KCNG3: variants seen among roughly 807,000 people sequenced by gnomAD.
KCNG3 encodes potassium voltage-gated channel modifier subfamily G member 3, also known as voltage-gated potassium channel regulatory subunit KCNG3.
A neutral mutation model predicts 29.0 loss-of-function variants in KCNG3; 15 were observed. That is an observed-to-expected ratio of 0.52 (90% CI 0.35 to 0.80). The LOEUF (loss-of-function observed/expected upper bound fraction) is 0.80, where lower values mean the gene tolerates loss of function less well. KCNG3 is among the 30% of genes least tolerant of loss of function. The pLI is 0.01. For missense variants in KCNG3, 512 were observed against 605.7 expected, an observed-to-expected ratio of 0.85 and a Z score of 1.62; for synonymous variants, 322 against 248.9, an observed-to-expected ratio of 1.29 and a Z score of -2.76.
chr2:42,474,432 G>A (rs1338846998), intron 1 of KCNG3, among the ~76,000 whole-genome samples: 2 of 152,018 alleles, frequency 1.3e-5, no homozygotes, highest in South Asian at 4.2e-4. Context: ...GGAGGCTGAG[G>A]CACGAGAATC....
chr2:42,423,687 G>A, the KCNG3 span, among the ~76,000 whole-genome samples: 1 of 151,716 alleles, frequency 6.6e-6, no homozygotes, highest in African/African-American at 2.4e-5. Context: ...TACCCTACCT[G>A]TAAACGTCTT....
intron 1 of KCNG3, among the ~76,000 whole-genome samples, chr2:42,484,764 A>C (rs1035058221): frequency 2.0e-4 from 31 of 152,370 alleles, no homozygotes; most frequent in African/African-American, 6.3e-4. Flanking sequence ...GGGAAAAAAG[A>C]AGCACTCTGG....
chr2:42,448,348 T>TTTA (rs934855806), intron 1 of KCNG3, among the ~76,000 whole-genome samples: 1 of 22,254 alleles, frequency 4.5e-5, no homozygotes, highest in Non-Finnish European at 8.4e-5. Context: ...TTCCCACTTA[T>TTTA]TTATTTATTT....
Position 42,492,862 on chromosome 2 carries a change from C to T in KCNG3, c.640G>A (p.Ala214Thr). The change falls in exon 1 of 2, where the codon GCC (alanine) becomes ACC (threonine). Residue 214 changes from alanine to threonine, a missense_variant. Around this residue, in one of 5 missense-constraint regions of KCNG3, gnomAD observed 228 missense variants for 200.0 expected, o/e 1.14. Coordinates refer to ENST00000306078, the MANE Select transcript of KCNG3 (RefSeq NM_133329.6). ...CCGGAGGGCTCCCTCCCAGGGCCGGCGGAGTACCTGCTCCGGTCATCCAGG... is the reference window on the plus strand; with the variant it reads ...CCGGAGGGCTCCCTCCCAGGGCCGGTGGAGTACCTGCTCCGGTCATCCAGG... ...RSLDDRSRYS[A>T]GPGREPSGII... 1.3e-6 allele frequency: 2 copies of T among 1,511,912 alleles called. No individual in the cohort carries two copies. Among genetic ancestry groups the T allele is most frequent in the African/African-American group, 1.4e-5 (1 of 69,180 alleles). The allele number at this position is 1,511,912 out of a possible 1,614,324, so 93.7% of individuals were successfully genotyped here.
intron 1 of KCNG3, among the ~76,000 whole-genome samples, chr2:42,476,424 C>G (rs1443774387): frequency 6.6e-6 from 1 of 151,944 alleles, no homozygotes; most frequent in Non-Finnish European, 1.5e-5. Flanking sequence ...CTGCAGTGGG[C>G]TGAGATCATG....
chr2:42,430,172 G>C, the KCNG3 span, among the ~76,000 whole-genome samples: 1 of 151,882 alleles, frequency 6.6e-6, no homozygotes, highest in Non-Finnish European at 1.5e-5. Context: ...TTCAAGACCA[G>C]CCTGGGCAAC....
At chr2:42,417,025 G>A in the KCNG3 span, among the ~76,000 whole-genome samples, 1 of 152,000 alleles carries the variant, frequency 6.6e-6, no homozygotes, top group Non-Finnish European at 1.5e-5. Flanking sequence ...GAGGTGGGTG[G>A]ATCACTTGTG....
chr2:42,483,721 A>T (rs938152702), intron 1 of KCNG3, among the ~76,000 whole-genome samples: 1 of 152,234 alleles, frequency 6.6e-6, no homozygotes, highest in African/African-American at 2.4e-5. Context: ...TGGCACATCC[A>T]TGCAGTGGAA....
At chr2:42,492,724 G>C in intron 1 of KCNG3, 113 bp downstream of exon 1, 4 of 1,052,224 alleles carry the variant, frequency 3.8e-6, no homozygotes, top group Non-Finnish European at 5.0e-6. Context: ...CGCTGGGCGC[G>C]CACCCCGCTG....
the KCNG3 span, among the ~76,000 whole-genome samples, chr2:42,396,537 T>C: frequency 6.6e-6 from 1 of 152,170 alleles, no homozygotes. Flanking sequence ...AGAAGAAAAG[T>C]AGGCAAGAAG....
At chr2:42,435,806 G>A in the KCNG3 span, among the ~76,000 whole-genome samples, 1 of 152,288 alleles carries the variant, frequency 6.6e-6, no homozygotes, top group African/African-American at 2.4e-5. Context: ...GAATCAAATT[G>A]CTCAGCTGCT....
At chr2:42,442,012 T>C (rs2103656684), downstream of KCNG3, 1 of 152,048 alleles carries the variant, frequency 6.6e-6, no homozygotes, top group South Asian at 2.1e-4. Context: ...CCAGTACCAG[T>C]AAAATTGATG....
chr2:42,420,643 G>A, the KCNG3 span, among the ~76,000 whole-genome samples: 1 of 152,068 alleles, frequency 6.6e-6, no homozygotes, highest in Non-Finnish European at 1.5e-5. Context: ...TACATAATTA[G>A]CCGGACGTGG....
the KCNG3 span, among the ~76,000 whole-genome samples, chr2:42,402,554 G>A: frequency 2.3e-3 from 355 of 152,230 alleles, 1 homozygote; most frequent in South Asian, 0.014. Context: ...GTTTTTTCAC[G>A]CACAGATGTT....
At chr2:42,435,384 C>T in the KCNG3 span, among the ~76,000 whole-genome samples, 3 of 151,902 alleles carry the variant, frequency 2.0e-5, no homozygotes, top group Non-Finnish European at 4.4e-5. Context: ...GATATGACAC[C>T]AGAAGCAAAA....
At chr2:42,399,051 CTTT>C in the KCNG3 span, among the ~76,000 whole-genome samples, 1 of 129,512 alleles carries the variant, frequency 7.7e-6, no homozygotes, top group African/African-American at 3.0e-5. Flanking sequence ...CTTTTTTTTT[CTTT>C]TCTTTTTTTT....
intron 1 of KCNG3, among the ~76,000 whole-genome samples, chr2:42,459,939 G>A (rs1672973533): frequency 6.7e-6 from 1 of 149,618 alleles, no homozygotes; most frequent in Admixed American, 6.7e-5. Context: ...TTGCACCACT[G>A]CACTCCAGCC....
intron 1 of KCNG3, among the ~76,000 whole-genome samples, chr2:42,475,095 T>C (rs755676289): frequency 3.1e-4 from 47 of 152,202 alleles, no homozygotes; most frequent in Non-Finnish European, 4.0e-4. Context: ...TACTGTAATA[T>C]ATTTTGATAC....
chr2:42,488,406 T>A (rs1259144397), intron 1 of KCNG3, among the ~76,000 whole-genome samples: 1 of 152,202 alleles, frequency 6.6e-6, no homozygotes, highest in Non-Finnish European at 1.5e-5. Flanking sequence ...AGACAGGGTC[T>A]CCCTGCTGCC....
Sources: gnomAD v4.1 joint callset for allele counts (sites outside exome capture counted in the v4.1 genomes callset) on GRCh38, gnomAD v4.1.1 for gene constraint, gnomAD v4.1.1 regional missense constraint, MANE v1.5 for transcripts, NCBI Gene and HGNC (gene_info 2026-07-23, HGNC 2026-07-21) for gene names.